Variants in GRXCR2 observed in about 807,000 individuals in gnomAD.
GRXCR2 encodes glutaredoxin domain-containing cysteine-rich protein 2.
GRXCR2 carries 23 observed loss-of-function variants against 24.8 expected under a neutral mutation model. The ratio of observed to expected loss-of-function variants is 0.93; its 90% CI spans 0.67 to 1.32. The LOEUF (loss-of-function observed/expected upper bound fraction) is 1.32. GRXCR2 is among the 40% of genes most tolerant of loss of function. The pLI, the probability that GRXCR2 is intolerant of heterozygous loss-of-function variation, is 0.00. For synonymous variants in GRXCR2, 130 were observed against 116.1 expected, an observed-to-expected ratio of 1.12 and a Z score of -0.77; for missense variants, 315 against 303.4, an observed-to-expected ratio of 1.04 and a Z score of -0.28.
chr5:145,879,033 C>T (rs1015942568), intron 2 of GRXCR2, among the ~76,000 whole-genome samples: 47 of 152,114 alleles, frequency 3.1e-4, no homozygotes, highest in Admixed American at 3.1e-3. Context: ...TACAAGAACT[C>T]CAGAAGGAAG....
intron 2 of GRXCR2, among the ~76,000 whole-genome samples, chr5:145,924,703 C>T (rs1757366726): frequency 6.6e-6 from 1 of 152,122 alleles, no homozygotes; most frequent in African/African-American, 2.4e-5. Flanking sequence ...CCTCTCTCAC[C>T]CTCTGTTTCC....
In GRXCR2 at chr5:145,866,615, C is replaced by T. The variant is rs1756442037; in HGVS notation, c.450G>A (p.Glu150=). 1 of 1,614,056 alleles carries T rather than the reference C, an allele frequency of 6.2e-7. No individual in the cohort carries two copies. The highest frequency in any genetic ancestry group is 8.5e-7 in the Non-Finnish European group (1 of 1,179,916). Residue 150 remains glutamate (E), a synonymous_variant, in exon 2 of 3, where the codon GAG becomes GAA. Transcript: ENST00000377976. The part of the protein sequence containing the change: ...DFVRKILQKE[E]EAEEESLMNK... The stretch of plus-strand genomic sequence containing the variant: ...TCATCAGAGACTCTTCCTCAGCCTC[C>T]TCTTCCTTCTGGAGAATTTTCCTCA...
Position 145,882,307 on chromosome 5 carries a change from C to T in GRXCR2, c.-69-15579G>A, listed in dbSNP as rs193148846. ...GCTAATATCCAGAATCTACAATGAA[C>T]TCAAACAAATGTACAAGAAAAAAAC... On this transcript the variant is annotated intron_variant, in intron 2 of 3. Transcript: ENST00000639411. 7.9e-5 allele frequency among the ~76,000 whole-genome samples: 12 copies of T among 152,248 alleles called. No homozygotes were observed. The East Asian group carries it at 1.7e-3, about 22-fold the overall frequency.
At chr5:145,861,015 C>G (rs1399566076) in intron 2 of GRXCR2, among the ~76,000 whole-genome samples, 1 of 151,946 alleles carries the variant, frequency 6.6e-6, no homozygotes, top group Non-Finnish European at 1.5e-5. Flanking sequence ...TCCTTATAGA[C>G]TATGAACCTT....
At chr5:145,896,895 G>A (rs952574992) in intron 2 of GRXCR2, among the ~76,000 whole-genome samples, 2 of 151,946 alleles carry the variant, frequency 1.3e-5, no homozygotes, top group African/African-American at 2.4e-5. Context: ...AAATGTCCAA[G>A]AATGATAGAC....
At chr5:145,914,787 A>AG (rs35640376) in intron 2 of GRXCR2, among the ~76,000 whole-genome samples, 84,027 of 151,662 alleles carry the variant, frequency 0.55, 25,121 homozygotes, top group East Asian at 0.76. Flanking sequence ...AGTGGTCAAG[A>AG]AAAAAGGCCA....
In GRXCR2 at chr5:145,872,692, C is replaced by A. The variant is rs756547626; in HGVS notation, c.277G>T (p.Ala93Ser). ...QRISVFREGNAYTLAGGQPRF... is the reference protein window; with the variant it reads ...QRISVFREGNSYTLAGGQPRF... ...GGCTGGCCGCCTGCCAAGGTGTAGG[C>A]ATTACCCTCTCTAAACACACTGATC... The change falls in exon 1 of 3, where the codon GCC becomes TCC. Residue 93 changes from alanine to serine, a missense_variant. Coordinates refer to ENST00000377976, the MANE Select transcript of GRXCR2 (RefSeq NM_001080516.2). 3.7e-6 allele frequency: 6 copies of A among 1,613,444 alleles called. No individual in the cohort carries two copies. The highest frequency in any genetic ancestry group is 3.3e-5 in the South Asian group (3 of 91,012).
At position 145,859,917 on chromosome 5, in the gene GRXCR2, T is replaced by C; in HGVS notation, c.565-2A>G. The stretch of plus-strand genomic sequence containing the variant: ...GCTGTCCTCGGGAATATCCCCTTCC[T>C]GCAAGAGACAGGTTAGGGTTTAGTT... On this transcript the variant is annotated splice_acceptor_variant, in intron 2 of 2. Transcript: ENST00000377976. LOFTEE classifies it high-confidence loss of function. The C allele has an allele frequency of 6.4e-7, 1 of 1,563,796 alleles. No individual in the cohort carries two copies. The highest frequency in any genetic ancestry group is 8.7e-7 in the Non-Finnish European group (1 of 1,154,978).
chr5:145,898,788 A>G (rs1013153228), intron 2 of GRXCR2, among the ~76,000 whole-genome samples: 27 of 152,172 alleles, frequency 1.8e-4, no homozygotes, highest in Non-Finnish European at 3.2e-4. Flanking sequence ...AATAAGAGCC[A>G]TCTATGACAA....
chr5:145,925,976 CA>C (rs1175991761), intron 2 of GRXCR2, among the ~76,000 whole-genome samples: 1 of 151,308 alleles, frequency 6.6e-6, no homozygotes, highest in South Asian at 2.1e-4. Context: ...AAAAAAAAAA[CA>C]AGATTGTGGT....
At chr5:145,894,322 CA>C (rs551168952) in intron 2 of GRXCR2, among the ~76,000 whole-genome samples, 1 of 152,034 alleles carries the variant, frequency 6.6e-6, no homozygotes. Context: ...AAAAACCCTT[CA>C]AAAAATCAAT....
At chr5:145,892,743 C>A (rs1227123374) in intron 2 of GRXCR2, among the ~76,000 whole-genome samples, 1 of 152,138 alleles carries the variant, frequency 6.6e-6, no homozygotes, top group Non-Finnish European at 1.5e-5. Context: ...CCCAATCTAG[C>A]AAGGCAGGCC....
chr5:145,907,242 G>A (rs934804171), intron 2 of GRXCR2, among the ~76,000 whole-genome samples: 3 of 152,096 alleles, frequency 2.0e-5, no homozygotes, highest in African/African-American at 7.2e-5. Flanking sequence ...TAAAACGATT[G>A]CCCTGGCGGA....
At chr5:145,873,748 G>C (rs945175146), upstream of GRXCR2, among the ~76,000 whole-genome samples, 1 of 152,172 alleles carries the variant, frequency 6.6e-6, no homozygotes, top group Admixed American at 6.5e-5. Context: ...ACCTCCACTT[G>C]GTATGTATTT....
intron 2 of GRXCR2, among the ~76,000 whole-genome samples, chr5:145,912,200 C>T (rs1757175442): frequency 6.6e-6 from 1 of 152,202 alleles, no homozygotes. Flanking sequence ...GCTGGGCGGA[C>T]AAAGGTCATA....
intron 2 of GRXCR2, among the ~76,000 whole-genome samples, chr5:145,902,181 G>C (rs1181388189): frequency 1.3e-5 from 2 of 151,930 alleles, no homozygotes; most frequent in Non-Finnish European, 2.9e-5. Context: ...CTGCAGCCTT[G>C]AACTCTGACT....
chr5:145,898,031 T>G (rs963120715), intron 2 of GRXCR2, among the ~76,000 whole-genome samples: 1 of 152,016 alleles, frequency 6.6e-6, no homozygotes, highest in Admixed American at 6.6e-5. Flanking sequence ...AAAAGTTTGC[T>G]TTTTGAAAGG....
chr5:145,896,034 G>T (rs966434223), intron 2 of GRXCR2, among the ~76,000 whole-genome samples: 3 of 152,148 alleles, frequency 2.0e-5, no homozygotes, highest in Admixed American at 6.5e-5. Context: ...AATGGGGAAA[G>T]GATTCCCTAT....
chr5:145,890,533 C>A (rs557896251), intron 2 of GRXCR2, among the ~76,000 whole-genome samples: 1 of 152,100 alleles, frequency 6.6e-6, no homozygotes, highest in African/African-American at 2.4e-5. Context: ...TTCAAGAGAA[C>A]TGAAGGAGAA....
Sources: gnomAD v4.1 joint callset for allele counts (sites outside exome capture counted in the v4.1 genomes callset) on GRCh38, gnomAD v4.1.1 for gene constraint, MANE v1.5 for transcripts, NCBI Gene and HGNC (gene_info 2026-07-23, HGNC 2026-07-21) for gene names.